UNC13C: variants seen among roughly 807,000 people sequenced by gnomAD.
UNC13C encodes the protein unc-13 homolog C.
UNC13C carries 174 observed loss-of-function variants against 245.4 expected under a neutral mutation model. The ratio of observed to expected loss-of-function variants is 0.71; its 90% confidence interval spans 0.63 to 0.80. UNC13C has a LOEUF of 0.80. Ranked by LOEUF, UNC13C falls within the 30% of genes least tolerant of loss-of-function variation. UNC13C has a pLI of 0.00. For missense variants in UNC13C, 2,829 were observed against 2,602.9 expected, an observed-to-expected ratio of 1.09 and a Z score of -1.89; for synonymous variants, 992 against 895.1, an observed-to-expected ratio of 1.11 and a Z score of -1.93.
intron 2 of UNC13C, among the ~76,000 whole-genome samples, chr15:54,129,510 T>C (rs949274442): frequency 1.3e-5 from 2 of 152,176 alleles, no homozygotes; most frequent in Admixed American, 1.3e-4. Flanking sequence ...ATATTAGATA[T>C]TCTTTCATAG....
chr15:54,596,030 T>C (rs1899062148), intron 30 of UNC13C, among the ~76,000 whole-genome samples: 1 of 152,168 alleles, frequency 6.6e-6, no homozygotes, highest in Non-Finnish European at 1.5e-5. Context: ...GAGTTTTGGT[T>C]GTCTGCTTGG....
At chr15:53,959,149 A>T in the UNC13C span, among the ~76,000 whole-genome samples, 1 of 152,042 alleles carries the variant, frequency 6.6e-6, no homozygotes, top group Non-Finnish European at 1.5e-5. Context: ...TGGCTGAATA[A>T]TTTACTGTGT....
the UNC13C span, among the ~76,000 whole-genome samples, chr15:53,845,783 AG>A: frequency 6.6e-6 from 1 of 152,142 alleles, no homozygotes; most frequent in Non-Finnish European, 1.5e-5. Flanking sequence ...GGGAAATTTT[AG>A]GTATTAATAA....
intron 8 of UNC13C, among the ~76,000 whole-genome samples, 188 bp from the exon 9 acceptor site, chr15:54,263,980 A>G (rs910361556): frequency 6.6e-6 from 1 of 152,108 alleles, no homozygotes; most frequent in African/African-American, 2.4e-5. Context: ...TGCCAATAAC[A>G]CAAAGGAGTA....
At chr15:54,020,011 A>G (rs963586843) in intron 2 of UNC13C, among the ~76,000 whole-genome samples, 2 of 152,306 alleles carry the variant, frequency 1.3e-5, no homozygotes, top group African/African-American at 4.8e-5. Flanking sequence ...CACACACACA[A>G]TTAAAAACAT....
chr15:54,522,258 G>A (rs144406947), intron 24 of UNC13C, among the ~76,000 whole-genome samples: 8,935 of 151,478 alleles, frequency 0.059, 344 homozygotes, highest in Non-Finnish European at 0.088. Context: ...ATCACCTGAG[G>A]TCAGGAGTTC....
At position 54,352,531 on chromosome 15, in the gene UNC13C, G is replaced by A. The variant is rs189186516; in HGVS notation, c.4713+14042G>A. 8.3e-3 allele frequency among the ~76,000 whole-genome samples: 1,255 copies of A among 151,768 alleles called. 11 individuals carry two copies. The highest frequency in any genetic ancestry group is 0.034 in the Middle Eastern group (10 of 294). On this transcript the variant is annotated intron_variant, in intron 17 of 32. Transcript: ENST00000260323. The stretch of plus-strand genomic sequence containing the variant: ...TTAAAAGTCTCATATTTTGTAGCAT[G>A]TTTCTTCTAAAGTTCCTGATTCGTC...
chr15:54,352,351 T>C (rs12903670), intron 17 of UNC13C, among the ~76,000 whole-genome samples: 1 of 133,978 alleles, frequency 7.5e-6, no homozygotes, highest in African/African-American at 3.0e-5. Flanking sequence ...TATATATATA[T>C]ATAGAGAGAG....
chr15:53,839,399 ATTAT>A, the UNC13C span, among the ~76,000 whole-genome samples: 1 of 152,190 alleles, frequency 6.6e-6, no homozygotes. Context: ...AACATTATTT[ATTAT>A]TTAATTTTAT....
chr15:53,857,248 A>C, the UNC13C span, among the ~76,000 whole-genome samples: 3 of 152,268 alleles, frequency 2.0e-5, no homozygotes, highest in South Asian at 4.1e-4. Flanking sequence ...TTGCTCAATT[A>C]AACTCTTAAA....
chr15:54,572,203 T>C lies in UNC13C; in HGVS notation c.6106+4256T>C, dbSNP rs545783086. 1.6e-4 allele frequency among the ~76,000 whole-genome samples: 25 copies of C among 152,044 alleles called. 1 individual carries two copies. The highest frequency in any genetic ancestry group is 3.1e-4 in the Non-Finnish European group (21 of 68,010). On this transcript the variant is annotated intron_variant, in intron 30 of 32. Coordinates refer to ENST00000260323, the MANE Select transcript of UNC13C (RefSeq NM_001080534.3). Reference sequence around the variant, plus strand: ...CCCTGACCTCTATGTACACCTCTCCTTGAGGACAAGTAAAAAGGCTCACTA... The same window carrying C: ...CCCTGACCTCTATGTACACCTCTCCCTGAGGACAAGTAAAAAGGCTCACTA...
intron 6 of UNC13C, 82 bp downstream of exon 6, chr15:54,236,517 G>T: frequency 9.5e-7 from 1 of 1,056,026 alleles, no homozygotes; most frequent in Admixed American, 2.2e-5. Context: ...GTAAAAGAGG[G>T]CAAGAATGGA....
chr15:54,387,569 A>G (rs1596313895), intron 17 of UNC13C, among the ~76,000 whole-genome samples: 1 of 152,200 alleles, frequency 6.6e-6, no homozygotes, highest in East Asian at 1.9e-4. Flanking sequence ...GATGTGGAGA[A>G]CAAGTCCTGC....
At chr15:53,928,533 C>A in the UNC13C span, among the ~76,000 whole-genome samples, 1 of 151,976 alleles carries the variant, frequency 6.6e-6, no homozygotes, top group Non-Finnish European at 1.5e-5. Context: ...AGTTTTGGGG[C>A]CAGTTTATGG....
the UNC13C span, among the ~76,000 whole-genome samples, chr15:53,916,229 T>G: frequency 0.52 from 78,740 of 151,926 alleles, 20,950 homozygotes; most frequent in Middle Eastern, 0.59. Context: ...AGGCAGACTA[T>G]GGGGACTGAG....
intron 14 of UNC13C, among the ~76,000 whole-genome samples, chr15:54,327,764 G>A (rs1397998): frequency 0.38 from 57,699 of 151,748 alleles, 12,177 homozygotes; most frequent in African/African-American, 0.56. Flanking sequence ...CTGCGATTAG[G>A]CCATCTTTGT....
At chr15:54,315,719 A>G (rs2037991209) in intron 13 of UNC13C, among the ~76,000 whole-genome samples, 1 of 151,780 alleles carries the variant, frequency 6.6e-6, no homozygotes, top group Non-Finnish European at 1.5e-5. Context: ...CTCATAGTTG[A>G]CTAGATACAT....
chr15:54,037,815 G>A lies in UNC13C; in HGVS notation c.2983+21929G>A, dbSNP rs571521212. On this transcript the variant is annotated intron_variant, in intron 2 of 32. Transcript: ENST00000260323. Reference sequence around the variant, plus strand: ...GTGCTGTTATGGAGTACATTCATTTGGGCAGTTTTCTTTGTGTACTATTAA... The same window carrying A: ...GTGCTGTTATGGAGTACATTCATTTAGGCAGTTTTCTTTGTGTACTATTAA... 2.6e-5 allele frequency among the ~76,000 whole-genome samples: 4 copies of A among 151,680 alleles called. No homozygotes were observed. The East Asian group carries it at 7.8e-4, about 29-fold the overall frequency.
chr15:54,393,854 C>A (rs2040014997), intron 18 of UNC13C, among the ~76,000 whole-genome samples: 1 of 151,812 alleles, frequency 6.6e-6, no homozygotes, highest in African/African-American at 2.4e-5. Context: ...TTTCCAAGAT[C>A]CAATCCAACT....
Sources: gnomAD v4.1 joint callset for allele counts (sites outside exome capture counted in the v4.1 genomes callset) on GRCh38, gnomAD v4.1.1 for gene constraint, MANE v1.5 for transcripts, NCBI Gene and HGNC (gene_info 2026-07-23, HGNC 2026-07-21) for gene names.